DHX15: variants seen among roughly 807,000 people sequenced by gnomAD.
DHX15 encodes the protein DEAH-box helicase 15.
In DHX15, 11 loss-of-function variants were observed where a neutral mutation model predicts 94.4. The ratio of observed to expected loss-of-function variants is 0.12; its 90% confidence interval spans 0.07 to 0.19. DHX15 has a LOEUF of 0.19. Ranked by LOEUF, DHX15 falls within the 10% of genes least tolerant of loss-of-function variation. DHX15 has a pLI of 1.00. For missense variants in DHX15, 304 were observed against 988.5 expected (o/e 0.31, Z 9.29); for synonymous variants, 338 against 329.9 (o/e 1.02, Z -0.27).
At chr4:24,532,323 C>T (rs568813246) in intron 12 of DHX15, among the ~76,000 whole-genome samples, 191 of 152,284 alleles carry the variant, frequency 1.3e-3, no homozygotes, top group Non-Finnish European at 2.4e-3. Flanking sequence ...GTCATAATTA[C>T]CAATGATCAC....
At chr4:24,541,576 A>C (rs1721313551) in intron 8 of DHX15, among the ~76,000 whole-genome samples, 1 of 152,116 alleles carries the variant, frequency 6.6e-6, no homozygotes. Flanking sequence ...TAAAGAAAGA[A>C]TGCATCTTCT....
chr4:24,544,563 A>G (rs1479833480), intron 6 of DHX15, among the ~76,000 whole-genome samples: 1 of 152,220 alleles, frequency 6.6e-6, no homozygotes, highest in Non-Finnish European at 1.5e-5. Context: ...AACGACATAC[A>G]TAAGGTTAAC....
intron 3 of DHX15, among the ~76,000 whole-genome samples, chr4:24,561,140 G>A (rs1046523423): frequency 3.3e-5 from 5 of 152,166 alleles, no homozygotes; most frequent in African/African-American, 7.2e-5. Context: ...AAGAGGATAC[G>A]GAGGACAGCA....
chr4:24,565,744 A>G (rs186041207), intron 3 of DHX15, among the ~76,000 whole-genome samples: 22 of 152,308 alleles, frequency 1.4e-4, no homozygotes, highest in East Asian at 3.9e-4. Flanking sequence ...CTCCAACTGG[A>G]TATCTACCAT....
chr4:24,528,898 A>AAAAAC (rs1310159520), intron 13 of DHX15, among the ~76,000 whole-genome samples: 19 of 151,628 alleles, frequency 1.3e-4, no homozygotes, highest in African/African-American at 4.4e-4. Context: ...AAAAATGTTA[A>AAAAAC]AAAACAAAAC....
At chr4:24,540,666 A>G (rs1721290871) in intron 9 of DHX15, among the ~76,000 whole-genome samples, 174 bp downstream of exon 9, 1 of 151,978 alleles carries the variant, frequency 6.6e-6, no homozygotes, top group Admixed American at 6.6e-5. Context: ...AAATGTGCTC[A>G]TATAACTGTC....
At chr4:24,549,225 C>A (rs1392054589) in intron 5 of DHX15, among the ~76,000 whole-genome samples, 1 of 152,146 alleles carries the variant, frequency 6.6e-6, no homozygotes, top group East Asian at 1.9e-4. Flanking sequence ...TTTTTGTATT[C>A]AAATGAATAT....
At chr4:24,556,074 G>A (rs1577342338) in intron 4 of DHX15, among the ~76,000 whole-genome samples, 177 bp downstream of exon 4, 2 of 152,132 alleles carry the variant, frequency 1.3e-5, no homozygotes, top group Middle Eastern at 3.4e-3. Flanking sequence ...CTATAAAGGG[G>A]GAGAAATAAA....
At chr4:24,536,934 C>A (rs1434867822) in intron 11 of DHX15, 117 bp downstream of exon 11, 3 of 1,221,340 alleles carry the variant, frequency 2.5e-6, no homozygotes, top group Admixed American at 3.2e-5. Context: ...TTCAAAAGTA[C>A]CTCTGGGTTT....
intron 3 of DHX15, chr4:24,563,067 A>G (rs1721917220): frequency 6.6e-6 from 1 of 151,968 alleles, no homozygotes; most frequent in South Asian, 2.1e-4. Flanking sequence ...TAGGTCTTAT[A>G]TTTAAATGTC....
In DHX15 at chr4:24,532,791, G is replaced by A. The variant is rs1721112205; in HGVS notation, c.2100+73C>T. On this transcript the variant is annotated intron_variant, in intron 12 of 13. Coordinates refer to ENST00000336812, the MANE Select transcript of DHX15 (RefSeq NM_001358.3). The stretch of plus-strand genomic sequence containing the variant: ...ACAAACTCACTTTTGCTTTTGAGTG[G>A]ATTCAAAGGACTGTTAATAGAAATC... 7 of 1,176,458 alleles carry A rather than the reference G, an allele frequency of 6.0e-6. No individual in the cohort carries two copies. In the East Asian group the frequency reaches 1.7e-4, roughly 28 times the overall value. 72.9% of individuals were successfully genotyped at this position (1,176,458 alleles called of 1,614,324 possible).
chr4:24,532,579 T>G (rs1721106792), intron 12 of DHX15, among the ~76,000 whole-genome samples: 1 of 152,230 alleles, frequency 6.6e-6, no homozygotes, highest in African/African-American at 2.4e-5. Context: ...TAGCCAAAGT[T>G]TCCATTTTGT....
chr4:24,533,798 A>C (rs745708684), intron 11 of DHX15: 32 of 152,236 alleles, frequency 2.1e-4, no homozygotes, highest in Non-Finnish European at 3.5e-4. Flanking sequence ...CAGTCATGGC[A>C]AAGAATTGCA....
intron 5 of DHX15, among the ~76,000 whole-genome samples, chr4:24,550,297 T>A (rs907937012): frequency 6.6e-6 from 1 of 151,136 alleles, no homozygotes; most frequent in Non-Finnish European, 1.5e-5. Context: ...TATAAAAAAA[T>A]GTATTTTCTT....
At position 24,584,305 on chromosome 4, in the gene DHX15, G is replaced by GC; in HGVS notation, c.71+17dup. The GC allele has an allele frequency of 6.2e-7, 1 of 1,607,188 alleles. No individual in the cohort carries two copies. Among genetic ancestry groups the GC allele is most frequent in the South Asian group, 1.1e-5 (1 of 90,026 alleles). The stretch of plus-strand genomic sequence containing the variant: ...AACAAAGCCCGAGCTGCCGCCTCGC[G>GC]CCCCCGGCCTGGCTTACCCATCGGT... On this transcript the variant is annotated intron_variant, in intron 1 of 13. Coordinates refer to ENST00000336812, the MANE Select transcript of DHX15 (RefSeq NM_001358.3).
intron 11 of DHX15, among the ~76,000 whole-genome samples, chr4:24,534,502 T>C (rs1287593271): frequency 6.6e-6 from 1 of 152,140 alleles, no homozygotes; most frequent in African/African-American, 2.4e-5. Flanking sequence ...TGAGAAATAA[T>C]TGGGTAAATG....
rs753901595 is a variant in DHX15, at chr4:24,529,550, A to G, written c.2270+51T>C. 7.7e-6 allele frequency: 12 copies of G among 1,553,552 alleles called. No individual in the cohort carries two copies. In the African/African-American group the frequency reaches 8.2e-5, roughly 11 times the overall value. ...ATGACTCTAGCAACAGTCAGGTTCC[A>G]TTTTGAGCAAAGTACTAACAAAAAA... On this transcript the variant is annotated intron_variant, in intron 13 of 13. Coordinates refer to ENST00000336812, the MANE Select transcript of DHX15 (RefSeq NM_001358.3).
At chr4:24,528,933 C>A (rs1721020631) in intron 13 of DHX15, among the ~76,000 whole-genome samples, 1 of 151,844 alleles carries the variant, frequency 6.6e-6, no homozygotes, top group Non-Finnish European at 1.5e-5. Flanking sequence ...CAGATTTCTG[C>A]AAGCAAGAAA....
Position 24,576,674 on chromosome 4 carries a change from C to G in DHX15, c.76G>C (p.Asp26His). 1 of 1,610,030 alleles carries G rather than the reference C, an allele frequency of 6.2e-7. No individual in the cohort carries two copies. The highest frequency in any genetic ancestry group is 8.5e-7 in the Non-Finnish European group (1 of 1,176,856). Residue 26 changes from aspartate to histidine, a missense_variant, in exon 2 of 14, where the codon GAT becomes CAT. Around this residue, in one of 9 missense-constraint regions of DHX15, gnomAD observed 143 missense variants for 200.5 expected, o/e 0.71. Coordinates refer to ENST00000336812, the MANE Select transcript of DHX15 (RefSeq NM_001358.3). ...TCACGATCCCGGTCTCGATCTCGATCCTTCCTAAAAACAAAAATTTAGAAT... is the reference window on the plus strand; with the variant it reads ...TCACGATCCCGGTCTCGATCTCGATGCTTCCTAAAAACAAAAATTTAGAAT... ...GKKRAGTDGK[D>H]RDRDRDREDR...
Sources: gnomAD v4.1 joint callset for allele counts (sites outside exome capture counted in the v4.1 genomes callset) on GRCh38, gnomAD v4.1.1 for gene constraint, gnomAD v4.1.1 regional missense constraint, MANE v1.5 for transcripts, NCBI Gene and HGNC (gene_info 2026-07-23, HGNC 2026-07-21) for gene names.